The following RASSF6 variants were observed in gnomAD, a reference collection of about 807,000 sequenced individuals.
The protein encoded by RASSF6 is ras association domain-containing protein 6.
In RASSF6, 52 loss-of-function variants were observed where a neutral mutation model predicts 44.0. The observed-to-expected ratio is 1.18, with a 90% CI of 0.95 to 1.49. RASSF6 has a LOEUF of 1.49. RASSF6 is among the 40% of genes most tolerant of loss of function. The pLI is 0.00. For synonymous variants in RASSF6, 162 were observed against 124.6 expected (o/e 1.30, Z -2.00); for missense variants, 464 against 393.3 (o/e 1.18, Z -1.52).
rs747747023 is a variant in RASSF6 at position 73,587,838 on chromosome 4, A to T, written c.382+2T>A. 3 of 1,592,294 alleles carry T rather than the reference A, an allele frequency of 1.9e-6. No individual in the cohort carries two copies. Among genetic ancestry groups the T allele is most frequent in the Non-Finnish European group, 2.6e-6 (3 of 1,161,354 alleles). On this transcript the variant is annotated splice_donor_variant, in intron 5 of 10. Transcript: ENST00000307439. LOFTEE classifies it high-confidence loss of function. ...CCCAATCAATAAGATTTTGATACTG[A>T]CCTTCCTGGGAATTCCTTTTTTCAG...
chr4:73,617,754 T>C lies in RASSF6; in HGVS notation c.-35+2534A>G, dbSNP rs1410905032. Among the ~76,000 whole-genome samples the C allele has an allele frequency of 5.3e-5, 8 of 152,264 alleles. 1 individual carries two copies. The highest frequency in any genetic ancestry group is 2.6e-4 in the Admixed American group (4 of 15,286). ...TGTTATGAAAGTGATGAAATCACTA[T>C]AATTTATCATTTTAAACATACAAAT... On this transcript the variant is annotated intron_variant, in intron 1 of 10. Transcript: ENST00000307439.
At chr4:73,611,867 A>T (rs751819082) in intron 1 of RASSF6, 38 bp from the exon 2 acceptor site, 80 of 1,330,530 alleles carry the variant, frequency 6.0e-5, no homozygotes, top group Non-Finnish European at 8.1e-5. Context: ...TGTTCCTATA[A>T]TGCATTAAAA....
rs772616485 is a variant in RASSF6 at position 73,598,711 on chromosome 4, G to T, written c.73C>A (p.Leu25Ile). Residue 25 changes from leucine (L) to isoleucine (I), a missense_variant, in exon 3 of 11, where the codon CTT becomes ATT. Physicochemically the swap from Leu to Ile is conservative, Grantham distance 5 (BLOSUM62 2). Transcript: ENST00000307439. Reference sequence around the variant, plus strand: ...TTATAGGTCTTCAATAAAGAATTAAGTTGTTCCCTAAAAATAAAAAAAAAT... The same window carrying T: ...TTATAGGTCTTCAATAAAGAATTAATTTGTTCCCTAAAAATAAAAAAAAAT... ...NEKTFITREQ[L>I]NSLLKTYNIF... The T allele has an allele frequency of 1.5e-6, 2 of 1,310,478 alleles. No individual in the cohort carries two copies. The highest frequency in any genetic ancestry group is 2.1e-6 in the Non-Finnish European group (2 of 975,344). The allele number at this position is 1,310,478 out of a possible 1,614,324, so 81.2% of individuals were successfully genotyped here.
chr4:73,581,105 G>T (rs111452496), intron 8 of RASSF6, among the ~76,000 whole-genome samples: 3 of 151,794 alleles, frequency 2.0e-5, no homozygotes, highest in Non-Finnish European at 4.4e-5. Context: ...TTTTCTTAAG[G>T]TGTTCTGGCA....
chr4:73,599,005 T>C (rs1313363335), intron 2 of RASSF6, among the ~76,000 whole-genome samples: 1 of 152,158 alleles, frequency 6.6e-6, no homozygotes, highest in African/African-American at 2.4e-5. Context: ...AAACAGGAAT[T>C]TGGTTTCATA....
At chr4:73,579,916 C>T (rs1723491107) in intron 8 of RASSF6, among the ~76,000 whole-genome samples, 1 of 151,580 alleles carries the variant, frequency 6.6e-6, no homozygotes, top group South Asian at 2.1e-4. Context: ...TACATGTGCA[C>T]AATGTGCAGG....
chr4:73,585,312 T>A lies in RASSF6; in HGVS notation c.435A>T (p.Pro145=), dbSNP rs1403603347. ...NTLKPHAKDE[P]DSPVLYRTMS... is the part of the protein sequence containing the mutation. ...TGGTTCTATAGAGCACTGGGGAGTC[T>A]GGTTCATCCTTTGCATGTGGCTTCA... is the stretch of plus-strand genomic sequence containing the variant. Residue 145 remains proline, a synonymous_variant, in exon 6 of 11, where the codon CCA becomes CCT. Coordinates refer to ENST00000307439, the MANE Select transcript of RASSF6 (RefSeq NM_177532.5). 1 of 1,610,144 alleles carries A rather than the reference T, an allele frequency of 6.2e-7. No individual in the cohort carries two copies. The highest frequency in any genetic ancestry group is 2.2e-5 in the East Asian group (1 of 44,850).
intron 8 of RASSF6, among the ~76,000 whole-genome samples, chr4:73,579,578 T>C (rs1723468262): frequency 6.6e-6 from 1 of 152,144 alleles, no homozygotes; most frequent in Admixed American, 6.5e-5. Context: ...AACTGGTTAT[T>C]ATGGTTTTTC....
intron 1 of RASSF6, among the ~76,000 whole-genome samples, chr4:73,619,031 A>C (rs1726542275): frequency 1.3e-5 from 2 of 152,228 alleles, no homozygotes; most frequent in Admixed American, 6.5e-5. Context: ...TCTCTTGTCC[A>C]TCAACACAAA....
chr4:73,582,831 A>T (rs888765274), intron 6 of RASSF6, among the ~76,000 whole-genome samples: 2 of 139,556 alleles, frequency 1.4e-5, no homozygotes, highest in African/African-American at 5.3e-5. Flanking sequence ...TATAACACCC[A>T]CACATGTAAC....
At chr4:73,616,283 G>A (rs750350112) in intron 1 of RASSF6, among the ~76,000 whole-genome samples, 31 of 150,846 alleles carry the variant, frequency 2.1e-4, no homozygotes, top group Non-Finnish European at 3.8e-4. Flanking sequence ...ATATATACAG[G>A]TGCTAACTTC....
intron 6 of RASSF6, among the ~76,000 whole-genome samples, chr4:73,583,008 G>A (rs72863008): frequency 0.029 from 4,418 of 152,068 alleles, 87 homozygotes; most frequent in South Asian, 0.06. Context: ...TGACATTTAC[G>A]ATTTCTATGG....
intron 5 of RASSF6, 139 bp downstream of exon 5, chr4:73,587,701 T>G (rs981626068): frequency 2.2e-5 from 9 of 413,528 alleles, no homozygotes; most frequent in Non-Finnish European, 3.5e-5. Flanking sequence ...CCTAAGATAT[T>G]TAAAAATATA....
At chr4:73,581,079 A>G (rs1247668) in intron 8 of RASSF6, among the ~76,000 whole-genome samples, 105,155 of 151,718 alleles carry the variant, frequency 0.69, 36,898 homozygotes, top group East Asian at 0.88. Context: ...ATATATGTTT[A>G]GAGATACAGC....
chr4:73,598,042 A>G (rs1308401366), intron 3 of RASSF6, among the ~76,000 whole-genome samples: 1 of 152,202 alleles, frequency 6.6e-6, no homozygotes, highest in East Asian at 1.9e-4. Context: ...GGGTGAAGAA[A>G]TAATCTGTAC....
chr4:73,577,551 A>G (rs1006551302), intron 8 of RASSF6, among the ~76,000 whole-genome samples: 2 of 152,178 alleles, frequency 1.3e-5, no homozygotes, highest in Non-Finnish European at 2.9e-5. Flanking sequence ...TCCCAGGAAA[A>G]GAGTCAAGAG....
intron 5 of RASSF6, among the ~76,000 whole-genome samples, chr4:73,587,244 C>T (rs920389809): frequency 6.6e-6 from 1 of 152,114 alleles, no homozygotes; most frequent in Non-Finnish European, 1.5e-5. Flanking sequence ...ACTAATGTCA[C>T]ACATCCCTGG....
Position 73,593,436 on chromosome 4 carries a change from T to C in RASSF6, c.287+15A>G. The C allele has an allele frequency of 1.3e-6, 2 of 1,590,848 alleles. No homozygotes were observed. Among genetic ancestry groups the C allele is most frequent in the Non-Finnish European group, 8.5e-7 (1 of 1,171,898 alleles). ...ATCATCTTCTGAGGAATTAAAAACA[T>C]GAAAGATAGCTTACCCTTTGCTGGA... On this transcript the variant is annotated intron_variant, in intron 4 of 10. Coordinates refer to ENST00000307439, the MANE Select transcript of RASSF6 (RefSeq NM_177532.5).
Position 73,620,373 on chromosome 4 carries a change from A to G in RASSF6, c.-120T>C. The G allele has an allele frequency of 6.6e-7, 1 of 1,522,196 alleles. No individual in the cohort carries two copies. The highest frequency in any genetic ancestry group is 8.8e-7 in the Non-Finnish European group (1 of 1,136,630). 94.3% of individuals were successfully genotyped at this position (1,522,196 alleles called of 1,614,324 possible). On this transcript the variant is annotated 5_prime_UTR_variant, in exon 1 of 11. Coordinates refer to ENST00000307439, the MANE Select transcript of RASSF6 (RefSeq NM_177532.5). Reference sequence around the variant, plus strand: ...TTCGCGGTTTGTTCTCGGCTGGGTCAGGAACTCTGGTAGAGGGAAACCAGT... The same window carrying G: ...TTCGCGGTTTGTTCTCGGCTGGGTCGGGAACTCTGGTAGAGGGAAACCAGT...
Sources: gnomAD v4.1 joint callset for allele counts (sites outside exome capture counted in the v4.1 genomes callset) on GRCh38, gnomAD v4.1.1 for gene constraint, MANE v1.5 for transcripts, NCBI Gene and HGNC (gene_info 2026-07-23, HGNC 2026-07-21) for gene names.